The following ENPP2 variants were observed in gnomAD, a reference collection of about 807,000 sequenced individuals.
ENPP2 encodes ectonucleotide pyrophosphatase/phosphodiesterase 2.
A neutral mutation model predicts 120.2 loss-of-function variants in ENPP2; 51 were observed. That is an observed-to-expected ratio of 0.42 (90% confidence interval 0.34 to 0.54). The LOEUF (loss-of-function observed/expected upper bound fraction) is 0.54, where lower values mean the gene tolerates loss of function less well. Ranked by LOEUF, ENPP2 falls within the 20% of genes least tolerant of loss-of-function variation. The pLI, the probability that ENPP2 is intolerant of heterozygous loss-of-function variation, is 0.04. For synonymous variants in ENPP2, 365 were observed against 366.4 expected, an observed-to-expected ratio of 1.00 and a Z score of 0.04; for missense variants, 920 against 1,066.5, an observed-to-expected ratio of 0.86 and a Z score of 1.91.
At chr8:119,648,571 G>A (rs939762000) in intron 1 of ENPP2, among the ~76,000 whole-genome samples, 16 of 152,268 alleles carry the variant, frequency 1.1e-4, no homozygotes, top group African/African-American at 3.6e-4. Flanking sequence ...AAATCTAAAA[G>A]GAAGTTTACA....
chr8:119,597,598 A>G (rs1423716415), intron 11 of ENPP2, among the ~76,000 whole-genome samples: 1 of 152,234 alleles, frequency 6.6e-6, no homozygotes, highest in Non-Finnish European at 1.5e-5. Flanking sequence ...CCTGCATTTC[A>G]GGATACTTTG....
At chr8:119,645,957 A>G (rs550959017) in intron 1 of ENPP2, among the ~76,000 whole-genome samples, 1 of 151,916 alleles carries the variant, frequency 6.6e-6, no homozygotes, top group South Asian at 2.1e-4. Context: ...TGCAAATCTA[A>G]TGATTTTCCT....
intron 2 of ENPP2, among the ~76,000 whole-genome samples, chr8:119,631,273 G>A (rs865864022): frequency 3.7e-5 from 5 of 136,548 alleles, no homozygotes; most frequent in Non-Finnish European, 6.1e-5. Flanking sequence ...CTGGAGTGCA[G>A]TGGCGCAATC....
intron 1 of ENPP2, 95 bp from the exon 2 acceptor site, chr8:119,638,622 C>T: frequency 2.0e-6 from 2 of 996,290 alleles, no homozygotes; most frequent in South Asian, 2.5e-5. Flanking sequence ...TATCAACACC[C>T]AATCCTACCA....
chr8:119,585,362 C>T (rs1314120547), intron 15 of ENPP2, among the ~76,000 whole-genome samples: 2 of 152,152 alleles, frequency 1.3e-5, no homozygotes, highest in African/African-American at 4.8e-5. Flanking sequence ...CTCTAAACAT[C>T]CCATACTGAT....
chr8:119,667,550 TC>T (rs1818109241), intron 1 of ENPP2, among the ~76,000 whole-genome samples: 1 of 152,320 alleles, frequency 6.6e-6, no homozygotes, highest in Admixed American at 6.5e-5. Context: ...TCCGTACCCA[TC>T]TTTCCTAGAG....
At chr8:119,610,490 AAGAGAGAG>A (rs60632673) in intron 8 of ENPP2, among the ~76,000 whole-genome samples, 11 of 148,050 alleles carry the variant, frequency 7.4e-5, no homozygotes, top group African/African-American at 1.7e-4. Context: ...AAGGTTATAA[AAGAGAGAG>A]AGAGAGAGAG....
chr8:119,670,348 T>A (rs1166468832), intron 1 of ENPP2, among the ~76,000 whole-genome samples: 2 of 152,240 alleles, frequency 1.3e-5, no homozygotes, highest in Non-Finnish European at 2.9e-5. Context: ...TTAACCTTTA[T>A]TCCTTAGCAT....
chr8:119,634,223 CAT>C (rs1275760156), intron 2 of ENPP2, among the ~76,000 whole-genome samples: 6 of 151,478 alleles, frequency 4.0e-5, no homozygotes, highest in African/African-American at 7.3e-5. Context: ...TACATACATA[CAT>C]ACATACACAC....
At chr8:119,650,735 C>T (rs1385211355) in intron 1 of ENPP2, among the ~76,000 whole-genome samples, 1 of 152,174 alleles carries the variant, frequency 6.6e-6, no homozygotes, top group Admixed American at 6.5e-5. Context: ...CCCTCTGCAT[C>T]CCCCAGAATT....
intron 19 of ENPP2, among the ~76,000 whole-genome samples, chr8:119,575,901 T>C (rs1812300321): frequency 6.6e-6 from 1 of 152,210 alleles, no homozygotes; most frequent in Non-Finnish European, 1.5e-5. Flanking sequence ...AAACAATTAC[T>C]ATGTATTGAT....
intron 3 of ENPP2, among the ~76,000 whole-genome samples, chr8:119,622,008 A>C (rs1481465727): frequency 6.6e-6 from 1 of 152,050 alleles, no homozygotes; most frequent in Non-Finnish European, 1.5e-5. Flanking sequence ...GGCTCACTGT[A>C]ACCTCCGCCT....
intron 2 of ENPP2, among the ~76,000 whole-genome samples, chr8:119,637,475 G>A (rs1015450408): frequency 7.2e-5 from 11 of 152,140 alleles, no homozygotes; most frequent in East Asian, 1.9e-4. Flanking sequence ...GTCCTAACCC[G>A]GTTGATAATA....
chr8:119,620,234 A>G (rs1815789643), intron 4 of ENPP2, among the ~76,000 whole-genome samples: 1 of 152,252 alleles, frequency 6.6e-6, no homozygotes, highest in Non-Finnish European at 1.5e-5. Context: ...TCAATGATCA[A>G]TGATTCCAAG....
chr8:119,569,897 A>T (rs1404452037), intron 20 of ENPP2, among the ~76,000 whole-genome samples: 2 of 152,104 alleles, frequency 1.3e-5, no homozygotes, highest in Non-Finnish European at 2.9e-5. Context: ...ACTGCCAAAT[A>T]ACATTTTCTA....
intron 1 of ENPP2, among the ~76,000 whole-genome samples, chr8:119,654,035 T>G (rs954541602): frequency 1.4e-5 from 2 of 146,148 alleles, no homozygotes; most frequent in East Asian, 3.9e-4. Context: ...AATATTTTAT[T>G]ATATGTTATA....
Position 119,557,610 on chromosome 8 carries a change from T to C in ENPP2, c.2503A>G (p.Ser835Gly). Residue 835 changes from serine (S) to glycine (G), a missense_variant, in exon 25 of 25, where the codon AGC becomes GGC. Physicochemically the swap from Ser to Gly is moderately conservative, Grantham distance 56. Coordinates refer to ENST00000075322, the MANE Select transcript of ENPP2 (RefSeq NM_001040092.3). ...CTGGTCTTTCGGAAGAAGTCCAGGCTGGTGAGATGTTCAATGTCACGCACC... is the reference window on the plus strand; with the variant it reads ...CTGGTCTTTCGGAAGAAGTCCAGGCCGGTGAGATGTTCAATGTCACGCACC... ...ARVRDIEHLT[S>G]LDFFRKTSRS... 1 of 1,612,528 alleles carries C rather than the reference T, an allele frequency of 6.2e-7. No individual in the cohort carries two copies. Among genetic ancestry groups the C allele is most frequent in the Non-Finnish European group, 8.5e-7 (1 of 1,179,854 alleles).
At chr8:119,658,786 C>A (rs1388254325) in intron 1 of ENPP2, among the ~76,000 whole-genome samples, 1 of 152,178 alleles carries the variant, frequency 6.6e-6, no homozygotes. Context: ...CCCATTAAGT[C>A]CCCAAACCCC....
intron 19 of ENPP2, chr8:119,572,556 T>C (rs563282822): frequency 1.0e-5 from 3 of 296,746 alleles, no homozygotes; most frequent in African/African-American, 6.3e-5. Flanking sequence ...TGCAACACTC[T>C]CTTCACAATT....
Sources: gnomAD v4.1 joint callset for allele counts (sites outside exome capture counted in the v4.1 genomes callset) on GRCh38, gnomAD v4.1.1 for gene constraint, MANE v1.5 for transcripts, NCBI Gene and HGNC (gene_info 2026-07-23, HGNC 2026-07-21) for gene names.